The following CTNS variants were observed in gnomAD, a reference collection of about 807,000 sequenced individuals.
CTNS encodes cystinosin, lysosomal cystine transporter.
CTNS carries 27 observed loss-of-function variants against 43.7 expected under a neutral mutation model. That is an observed-to-expected ratio of 0.62 (90% confidence interval 0.46 to 0.85). CTNS has a LOEUF of 0.85. CTNS is among the 40% of genes least tolerant of loss of function. The probability of loss-of-function intolerance (pLI) is 0.00; values close to 1 mark genes in which losing one functional copy is unlikely to be tolerated. For synonymous variants in CTNS, 187 were observed against 190.6 expected, an observed-to-expected ratio of 0.98 and a Z score of 0.16; for missense variants, 457 against 475.4, an observed-to-expected ratio of 0.96 and a Z score of 0.36.
chr17:3,654,964 G>T (rs377309123), intron 5 of CTNS, 34 bp from the exon 6 acceptor site: 27 of 1,489,430 alleles, frequency 1.8e-5, no homozygotes, highest in Non-Finnish European at 2.2e-5. Context: ...GTAACTGTAC[G>T]TGGCATCGGA....
At chr17:3,637,488 G>T (rs1232754251) in intron 2 of CTNS, among the ~76,000 whole-genome samples, 172 bp downstream of exon 2, 5 of 148,882 alleles carry the variant, frequency 3.4e-5, no homozygotes, top group African/African-American at 1.2e-4. Context: ...TTTTGAGATG[G>T]AGTCTGCAGC....
chr17:3,657,400 A>T (rs2076175993), intron 9 of CTNS, among the ~76,000 whole-genome samples: 1 of 152,192 alleles, frequency 6.6e-6, no homozygotes, highest in African/African-American at 2.4e-5. Flanking sequence ...GGGACCCCTG[A>T]TATGACAGCT....
chr17:3,649,293 A>C (rs2075917632), intron 5 of CTNS, among the ~76,000 whole-genome samples: 1 of 152,054 alleles, frequency 6.6e-6, no homozygotes, highest in Non-Finnish European at 1.5e-5. Context: ...TACTAAAGTA[A>C]ATACAAAAAT....
At position 3,660,008 on chromosome 17, in the gene CTNS, C is replaced by T. The variant is rs368796415; in HGVS notation, c.970+33C>T. ...AGCCAGCGGGCTGCTGGCCACCCTG[C>T]GGCTGGGGCATCGGGCGGGGCCAGC... On this transcript the variant is annotated intron_variant, in intron 11 of 11. Transcript: ENST00000046640. 545 of 1,568,882 alleles carry T rather than the reference C, an allele frequency of 3.5e-4. 1 individual carries two copies. Among genetic ancestry groups the T allele is most frequent in the Middle Eastern group, 2.7e-3 (14 of 5,168 alleles).
intron 3 of CTNS, among the ~76,000 whole-genome samples, chr17:3,642,139 G>A (rs1440609788): frequency 5.5e-5 from 3 of 54,100 alleles, no homozygotes; most frequent in Non-Finnish European, 8.4e-5. Flanking sequence ...ATGTGTGCCC[G>A]GGCGTGTGTG....
chr17:3,657,082 G>A (rs2076167280), intron 9 of CTNS, among the ~76,000 whole-genome samples: 1 of 149,242 alleles, frequency 6.7e-6, no homozygotes. Flanking sequence ...CTGCCAGGGA[G>A]GAGGGAGGAG....
intron 3 of CTNS, among the ~76,000 whole-genome samples, chr17:3,642,082 T>TGTGTGTGTGC (rs1425642319): frequency 2.9e-5 from 4 of 136,242 alleles, no homozygotes; most frequent in South Asian, 2.4e-4. Flanking sequence ...TGTGTGTGTG[T>TGTGTGTGTGC]GCCTGGGCGT....
intron 9 of CTNS, 103 bp downstream of exon 9, chr17:3,656,898 G>C: frequency 6.4e-7 from 1 of 1,562,062 alleles, no homozygotes. Context: ...GGAAGGGTGT[G>C]TGTTCATTCA....
intron 3 of CTNS, among the ~76,000 whole-genome samples, chr17:3,642,074 T>G (rs1358843274): frequency 1.4e-5 from 2 of 146,422 alleles, no homozygotes; most frequent in East Asian, 3.9e-4. Context: ...CGTGTGTGTG[T>G]GTGTGTGTGC....
In CTNS at chr17:3,655,123, C is replaced by G. The variant is rs459613; in HGVS notation, c.329+22C>G. On this transcript the variant is annotated intron_variant, in intron 6 of 11. Transcript: ENST00000046640. Reference sequence around the variant, plus strand: ...CCGGGTAGGCTGGCCTCAGGGTGTGCGGGCCTCACGTGACAAGAAGGGGGC... The same window carrying G: ...CCGGGTAGGCTGGCCTCAGGGTGTGGGGGCCTCACGTGACAAGAAGGGGGC... 0.97 allele frequency: 1,572,238 copies of G among 1,613,794 alleles called. 772,047 individuals carry two copies. Among genetic ancestry groups the G allele is most frequent in the Non-Finnish European group, 1 (1,178,084 of 1,179,768 alleles).
chr17:3,659,515 A>C (rs2076236119), intron 10 of CTNS, among the ~76,000 whole-genome samples: 1 of 152,210 alleles, frequency 6.6e-6, no homozygotes, highest in South Asian at 2.1e-4. Context: ...GGAGGTGAGA[A>C]GAAGAATCAT....
intron 3 of CTNS, among the ~76,000 whole-genome samples, chr17:3,647,058 C>A (rs2075860351): frequency 6.6e-6 from 1 of 152,156 alleles, no homozygotes; most frequent in Non-Finnish European, 1.5e-5. Flanking sequence ...ACAGAGGAGA[C>A]CCCTGTGCTT....
intron 3 of CTNS, among the ~76,000 whole-genome samples, chr17:3,642,708 G>A (rs555703546): frequency 2.0e-5 from 3 of 152,124 alleles, no homozygotes; most frequent in African/African-American, 7.2e-5. Flanking sequence ...AAGGAAAGAA[G>A]AATGGAAGCC....
At chr17:3,648,502 G>A (rs1488992125) in intron 4 of CTNS, among the ~76,000 whole-genome samples, 1 of 152,130 alleles carries the variant, frequency 6.6e-6, no homozygotes, top group East Asian at 1.9e-4. Flanking sequence ...TCAAATGCTG[G>A]CCCTCACACA....
intron 10 of CTNS, among the ~76,000 whole-genome samples, chr17:3,659,576 C>T (rs1010002581): frequency 9.9e-5 from 15 of 152,208 alleles, no homozygotes; most frequent in East Asian, 3.9e-4. Flanking sequence ...GTGGAGGAGA[C>T]GGGGAAGGCC....
chr17:3,641,384 A>ATATATATATATATATAT (rs1555558526), intron 3 of CTNS, among the ~76,000 whole-genome samples: 12 of 31,208 alleles, frequency 3.8e-4, no homozygotes, highest in Non-Finnish European at 4.1e-4. Context: ...ATATATATAT[A>ATATATATATATATATAT]TTTTTTTTTT....
At chr17:3,639,696 T>TA (rs60417083) in intron 2 of CTNS, among the ~76,000 whole-genome samples, 3 of 150,692 alleles carry the variant, frequency 2.0e-5, no homozygotes, top group Non-Finnish European at 3.0e-5. Context: ...ATATGTATAT[T>TA]AAAAAAAAAT....
intron 5 of CTNS, among the ~76,000 whole-genome samples, chr17:3,653,881 G>GAA (rs66643674): frequency 4.6e-5 from 7 of 150,560 alleles, no homozygotes; most frequent in Admixed American, 2.0e-4. Flanking sequence ...CATCTCGGGG[G>GAA]AAAAATAAAG....
chr17:3,659,962 G>C lies in CTNS; in HGVS notation c.957G>C (p.Gln319His). Reference sequence around the variant, plus strand: ...TCAGCCTCCTGCAGATGTTCCTCCAGTCCTACAACAACGGTGAGTCAGCCA... The same window carrying C: ...TCAGCCTCCTGCAGATGTTCCTCCACTCCTACAACAACGGTGAGTCAGCCA... ...GSFSLLQMFL[Q>H]SYNNDQWTLI... Residue 319 changes from glutamine to histidine, a missense_variant, in exon 11 of 12, where the codon CAG becomes CAC. Physicochemically the swap from Gln to His is conservative, Grantham distance 24 (BLOSUM62 0). Coordinates refer to ENST00000046640, the MANE Select transcript of CTNS (RefSeq NM_004937.3). The C allele has an allele frequency of 1.2e-6, 2 of 1,613,456 alleles. No individual in the cohort carries two copies. Among genetic ancestry groups the C allele is most frequent in the South Asian group, 1.1e-5 (1 of 91,062 alleles).
Sources: allele counts gnomAD v4.1 joint callset (sites outside exome capture counted in the v4.1 genomes callset), GRCh38; gene constraint gnomAD v4.1.1; transcripts MANE v1.5; gene names NCBI Gene and HGNC (gene_info 2026-07-23, HGNC 2026-07-21).